Variants in LAS1L observed in about 807,000 individuals in gnomAD.
The protein encoded by LAS1L is LAS1 like ribosome biogenesis factor.
In LAS1L, 5 loss-of-function variants were observed where a neutral mutation model predicts 57.3. The ratio of observed to expected loss-of-function variants is 0.09; its 90% CI spans 0.05 to 0.18. The LOEUF is 0.18. Ranked by LOEUF, LAS1L falls within the 10% of genes least tolerant of loss-of-function variation. The probability of loss-of-function intolerance (pLI) is 1.00; values close to 1 mark genes in which losing one functional copy is unlikely to be tolerated. For synonymous variants in LAS1L, 245 were observed against 231.7 expected (o/e 1.06, Z -0.52); for missense variants, 360 against 568.3 (o/e 0.63, Z 3.73).
Position 65,525,748 on chromosome X carries a change from C to CAAAAAAAAAAAAA in LAS1L, c.957-711_957-699dup, listed in dbSNP as rs772564998. ...AGGTCTTCACCAAGGTCTGATTTTT[C>CAAAAAAAAAAAAA]AAAAAAAAAAAAAAAAAAAAGAAAG... On this transcript the variant is annotated intron_variant, in intron 7 of 13. Transcript: ENST00000374811. Among the ~76,000 whole-genome samples the CAAAAAAAAAAAAA allele has an allele frequency of 1.5e-3, 57 of 38,205 alleles. 1 individual carries two copies. The highest frequency in any genetic ancestry group is 5.7e-3 in the African/African-American group (50 of 8,699). 33.2% of individuals were successfully genotyped at this position (38,205 alleles called of 115,157 possible).
intron 7 of LAS1L, among the ~76,000 whole-genome samples, chrX:65,526,170 T>TGGCA (rs2069132033): frequency 1.8e-5 from 2 of 112,133 alleles, no homozygotes; most frequent in Admixed American, 9.5e-5. Flanking sequence ...AAGCAGATGC[T>TGGCA]GGCACCATGC....
At chrX:65,520,914 C>T (rs1479229313) in intron 11 of LAS1L, 4 of 752,032 alleles carry the variant, frequency 5.3e-6, no homozygotes, top group Non-Finnish European at 6.3e-6. Flanking sequence ...TGCCATGTTC[C>T]TTCTGGACTT....
chrX:65,523,834 C>A, intron 10 of LAS1L, 127 bp from the exon 11 acceptor site: 1 of 846,678 alleles, frequency 1.2e-6, no homozygotes, highest in South Asian at 2.7e-5. Flanking sequence ...CCCAACTGCT[C>A]AAAGAATTCA....
At chrX:65,529,040 T>C (rs919759725) in intron 6 of LAS1L, among the ~76,000 whole-genome samples, 172 bp downstream of exon 6, 3 of 112,144 alleles carry the variant, frequency 2.7e-5, no homozygotes, top group Non-Finnish European at 3.8e-5. Flanking sequence ...CCAATTGGAC[T>C]CTGCTCCTCT....
Position 65,524,065 on chromosome X carries a change from T to C in LAS1L, c.1291A>G (p.Thr431Ala). Residue 431 changes from threonine to alanine, a missense_variant, in exon 10 of 14, where the codon ACC (threonine) becomes GCC (alanine). Physicochemically the swap from Thr to Ala is moderately conservative, Grantham distance 58. Coordinates refer to ENST00000374811, the MANE Select transcript of LAS1L (RefSeq NM_031206.7). ...RWTVELIVAN[T>A]KTGRNARRFS... ...GGCTAGTCTCCCTCACCAGTCTTGGTGTTGGCCACGATCAGTTCAACGGTC... is the reference window on the plus strand; with the variant it reads ...GGCTAGTCTCCCTCACCAGTCTTGGCGTTGGCCACGATCAGTTCAACGGTC... The C allele has an allele frequency of 8.3e-7, 1 of 1,210,016 alleles. No homozygotes were observed. The highest frequency in any genetic ancestry group is 1.7e-5 in the African/African-American group (1 of 57,763).
At chrX:65,525,190 G>A (rs1463594164) in intron 7 of LAS1L, 140 bp from the exon 8 acceptor site, 6 of 472,934 alleles carry the variant, frequency 1.3e-5, no homozygotes, top group Non-Finnish European at 2.2e-5. Context: ...TGGGTGGGTA[G>A]GAGTGGGGAG....
At chrX:65,519,407 G>A (rs1392452253) in intron 11 of LAS1L, among the ~76,000 whole-genome samples, 4 of 112,071 alleles carry the variant, frequency 3.6e-5, no homozygotes, top group Non-Finnish European at 5.6e-5. Flanking sequence ...CTGGAGGCAG[G>A]GAGACCAGGG....
chrX:65,517,798 C>T (rs2068705326), intron 12 of LAS1L, among the ~76,000 whole-genome samples, 189 bp downstream of exon 12: 1 of 112,618 alleles, frequency 8.9e-6, no homozygotes, highest in East Asian at 2.8e-4. Flanking sequence ...TGACAGTGGT[C>T]CCTGGCACTC....
intron 7 of LAS1L, among the ~76,000 whole-genome samples, chrX:65,526,458 G>A (rs142372257): frequency 1.8e-5 from 2 of 111,670 alleles, no homozygotes; most frequent in East Asian, 5.6e-4. Context: ...TTGCTGAAGG[G>A]TAGAGCCAAG....
intron 11 of LAS1L, 79 bp from the exon 12 acceptor site, chrX:65,518,544 T>C (rs1320540226): frequency 1.8e-6 from 2 of 1,105,463 alleles, no homozygotes; most frequent in Non-Finnish European, 1.2e-6. Context: ...GGGTTTGAAC[T>C]TGGTCTCTGA....
chrX:65,515,000 C>A, intron 12 of LAS1L, 27 bp from the exon 13 acceptor site: 1 of 1,192,370 alleles, frequency 8.4e-7, no homozygotes, highest in Non-Finnish European at 1.1e-6. Flanking sequence ...AGTGGCAAGA[C>A]TGGGCTGATG....
intron 4 of LAS1L, 145 bp downstream of exon 4, chrX:65,531,212 T>C (rs2069472100): frequency 2.8e-6 from 1 of 355,160 alleles, no homozygotes; most frequent in Non-Finnish European, 5.0e-6. Context: ...TTAAATGTTG[T>C]GCCCAAGGCG....
At chrX:65,514,345 G>T (rs1456179442) in intron 13 of LAS1L, among the ~76,000 whole-genome samples, 2 of 110,891 alleles carry the variant, frequency 1.8e-5, no homozygotes, top group Non-Finnish European at 3.8e-5. Flanking sequence ...ACAGTGTGGG[G>T]AGGCCTACTG....
In LAS1L at chrX:65,523,523, C is replaced by T. The variant is rs1427246435; in HGVS notation, c.1448+37G>A. ...CAGTGTGGCCCTGAGGCTTGAAGGGCCTCACCCTCTTACCGGATGGAATTC... is the reference window on the plus strand; with the variant it reads ...CAGTGTGGCCCTGAGGCTTGAAGGGTCTCACCCTCTTACCGGATGGAATTC... On this transcript the variant is annotated intron_variant, in intron 11 of 13. Transcript: ENST00000374811. The T allele has an allele frequency of 2.6e-6, 3 of 1,137,703 alleles. No individual in the cohort carries two copies. In the Admixed American group the frequency reaches 8.4e-5, roughly 32 times the overall value. 93.8% of individuals were successfully genotyped at this position (1,137,703 alleles called of 1,213,427 possible). A position where few individuals can be genotyped will look rare whatever the true frequency, so the allele number is the denominator to read the frequency against.
chrX:65,530,482 C>T (rs1471592398), intron 4 of LAS1L, among the ~76,000 whole-genome samples: 1 of 110,332 alleles, frequency 9.1e-6, no homozygotes, highest in Non-Finnish European at 1.9e-5. Context: ...AGTTTGAGAC[C>T]AGCCTGTGCA....
intron 12 of LAS1L, 51 bp downstream of exon 12, chrX:65,517,936 A>C: frequency 8.7e-7 from 1 of 1,143,622 alleles, no homozygotes; most frequent in East Asian, 3.0e-5. Flanking sequence ...GGAAGCCTCA[A>C]GAGCCAGCCA....
At chrX:65,529,990 G>A (rs2069385749) in intron 4 of LAS1L, 112 bp from the exon 5 acceptor site, 1 of 681,832 alleles carries the variant, frequency 1.5e-6, no homozygotes, top group Non-Finnish European at 2.1e-6. Context: ...TGGCTCCAAG[G>A]TTCAAATCTC....
At position 65,524,884 on chromosome X, in the gene LAS1L, C is replaced by T. The variant is rs749435904; in HGVS notation, c.1042+81G>A. 7.4e-6 allele frequency: 6 copies of T among 812,592 alleles called. No homozygotes were observed. The African/African-American group carries it at 8.2e-5, about 11-fold the overall frequency. 67.0% of individuals were successfully genotyped at this position (812,592 alleles called of 1,213,427 possible). A position where few individuals can be genotyped will look rare whatever the true frequency, so the allele number is the denominator to read the frequency against. On this transcript the variant is annotated intron_variant, in intron 8 of 13. Coordinates refer to ENST00000374811, the MANE Select transcript of LAS1L (RefSeq NM_031206.7). ...GCAGGAAACAGCCTTCACACCCCAA[C>T]CCAGGGCCCCCCAGCCCACCCCAGC...
At position 65,521,095 on chromosome X, in the gene LAS1L, TCTTGC is replaced by T. The variant is rs200822880; in HGVS notation, c.1448+2460_1448+2464del. On this transcript the variant is annotated intron_variant, in intron 11 of 13. Coordinates refer to ENST00000374811, the MANE Select transcript of LAS1L (RefSeq NM_031206.7). Reference sequence around the variant, plus strand: ...GCTGTTCAGTTCCAACTCCTGGAAGTCTTGCCTTGACTGACTTTGTCTACAAAGCC... The same window carrying T: ...GCTGTTCAGTTCCAACTCCTGGAAGTCTTGACTGACTTTGTCTACAAAGCC... 14,672 of 751,611 alleles carry T rather than the reference TCTTGC, an allele frequency of 0.02. 1,735 individuals are homozygous for T. The African/African-American group carries it at 0.32, about 17-fold the overall frequency. The allele number at this position is 751,611 out of a possible 1,213,427, so 61.9% of individuals were successfully genotyped here.
Sources: gnomAD v4.1 joint callset for allele counts (sites outside exome capture counted in the v4.1 genomes callset) on GRCh38, gnomAD v4.1.1 for gene constraint, MANE v1.5 for transcripts, NCBI Gene and HGNC (gene_info 2026-07-23, HGNC 2026-07-21) for gene names.